CAMK1D: variants seen among roughly 807,000 people sequenced by gnomAD.
CAMK1D encodes the protein calcium/calmodulin-dependent protein kinase type 1D.
CAMK1D carries 9 observed loss-of-function variants against 47.7 expected under a neutral mutation model. The observed-to-expected ratio is 0.19, with a 90% CI of 0.11 to 0.33. The LOEUF (loss-of-function observed/expected upper bound fraction) is 0.33, where lower values mean the gene tolerates loss of function less well. Among genes scored for constraint, CAMK1D ranks in the 10% least tolerant of loss-of-function variants. CAMK1D has a pLI of 1.00. For missense variants in CAMK1D, 291 were observed against 488.7 expected (o/e 0.60, Z 3.81); for synonymous variants, 184 against 184.9 (o/e 0.99, Z 0.04).
At chr10:12,535,122 C>T (rs903779050) in intron 1 of CAMK1D, among the ~76,000 whole-genome samples, 1 of 152,140 alleles carries the variant, frequency 6.6e-6, no homozygotes, top group Non-Finnish European at 1.5e-5. Context: ...AGGCACAGTC[C>T]CTGCTACAGC....
At chr10:12,493,002 C>T (rs1234842667) in intron 1 of CAMK1D, among the ~76,000 whole-genome samples, 1 of 152,222 alleles carries the variant, frequency 6.6e-6, no homozygotes, top group Non-Finnish European at 1.5e-5. Flanking sequence ...GCTGTCAACC[C>T]TGGAAGGTGC....
chr10:12,452,766 AG>A (rs1319132582), intron 1 of CAMK1D, among the ~76,000 whole-genome samples: 2 of 152,060 alleles, frequency 1.3e-5, no homozygotes, highest in East Asian at 3.9e-4. Context: ...TTTTATTTTT[AG>A]TATAGACGGG....
rs529474570 is a variant in CAMK1D, at chr10:12,395,442, A to G, written c.92+45532A>G. On this transcript the variant is annotated intron_variant, in intron 1 of 10. Coordinates refer to ENST00000619168, the MANE Select transcript of CAMK1D (RefSeq NM_153498.4). ...CAGCCACCAGTCACCTCATTAGCCCACAAAAGACATCACTGTGGAGGTTCC... is the reference window on the plus strand; with the variant it reads ...CAGCCACCAGTCACCTCATTAGCCCGCAAAAGACATCACTGTGGAGGTTCC... 3.9e-5 allele frequency among the ~76,000 whole-genome samples: 6 copies of G among 152,178 alleles called. No individual in the cohort carries two copies. The South Asian group carries it at 1.2e-3, about 32-fold the overall frequency.
intron 1 of CAMK1D, among the ~76,000 whole-genome samples, chr10:12,511,629 CA>C (rs1320788015): frequency 6.6e-6 from 1 of 152,068 alleles, no homozygotes; most frequent in Non-Finnish European, 1.5e-5. Flanking sequence ...AACAAACAAA[CA>C]AAAAAACCAC....
chr10:12,512,250 G>A (rs1420958529), intron 1 of CAMK1D, among the ~76,000 whole-genome samples: 1 of 152,156 alleles, frequency 6.6e-6, no homozygotes, highest in Admixed American at 6.5e-5. Context: ...TGGAATAAAC[G>A]GAGCTGTGCT....
At chr10:12,449,363 T>C (rs140515967) in intron 1 of CAMK1D, among the ~76,000 whole-genome samples, 4 of 152,020 alleles carry the variant, frequency 2.6e-5, no homozygotes, top group African/African-American at 4.8e-5. Flanking sequence ...AAAACAGCCT[T>C]GGCAGGAACC....
chr10:12,611,421 G>A (rs950907401), intron 2 of CAMK1D, among the ~76,000 whole-genome samples: 3 of 151,870 alleles, frequency 2.0e-5, no homozygotes, highest in Non-Finnish European at 4.4e-5. Flanking sequence ...TTCTGGGGAC[G>A]AATCCAGACA....
At chr10:12,630,656 T>C (rs530924928) in intron 2 of CAMK1D, among the ~76,000 whole-genome samples, 3 of 152,144 alleles carry the variant, frequency 2.0e-5, no homozygotes, top group Non-Finnish European at 4.4e-5. Flanking sequence ...TGGCCTCAAG[T>C]GATCCTCCCA....
At chr10:12,766,034 C>T (rs1353530043) in intron 4 of CAMK1D, among the ~76,000 whole-genome samples, 1 of 140,202 alleles carries the variant, frequency 7.1e-6, no homozygotes, top group African/African-American at 2.7e-5. Flanking sequence ...GGCGCAATCT[C>T]AACTCTCTGC....
At chr10:12,495,739 G>A (rs1834519163) in intron 1 of CAMK1D, among the ~76,000 whole-genome samples, 1 of 152,200 alleles carries the variant, frequency 6.6e-6, no homozygotes. Flanking sequence ...GTCTGTTGAG[G>A]ATTTAGTGGG....
chr10:12,725,092 T>G (rs1834563311), intron 3 of CAMK1D, among the ~76,000 whole-genome samples: 3 of 152,292 alleles, frequency 2.0e-5, no homozygotes, highest in Non-Finnish European at 2.9e-5. Flanking sequence ...CCGTGTGGAC[T>G]GGGGGCAGCT....
intron 1 of CAMK1D, among the ~76,000 whole-genome samples, chr10:12,473,556 A>T (rs1833812859): frequency 6.6e-6 from 1 of 152,218 alleles, no homozygotes; most frequent in South Asian, 2.1e-4. Flanking sequence ...AGGAGGTAGG[A>T]ACTGCTATTG....
chr10:12,507,180 T>A (rs1267679769), intron 1 of CAMK1D, among the ~76,000 whole-genome samples: 1 of 152,234 alleles, frequency 6.6e-6, no homozygotes, highest in Non-Finnish European at 1.5e-5. Flanking sequence ...CTTGTTTACC[T>A]GTGACTCTTT....
At chr10:12,363,241 T>TTTTATTTTTTTTTTGAGCATGACTTAG in intron 1 of CAMK1D, among the ~76,000 whole-genome samples, 1 of 151,116 alleles carries the variant, frequency 6.6e-6, no homozygotes, top group East Asian at 1.9e-4. Context: ...GCACCCGGCC[T>TTTTATTTTTTTTTTGAGCATGACTTAG]GTTTTTTTTT....
chr10:12,567,130 G>T (rs1399289699), intron 2 of CAMK1D, among the ~76,000 whole-genome samples: 1 of 152,204 alleles, frequency 6.6e-6, no homozygotes, highest in Non-Finnish European at 1.5e-5. Context: ...CTTCTCGGAA[G>T]TGCAGTGGGA....
At chr10:12,574,543 C>G (rs1239715287) in intron 2 of CAMK1D, among the ~76,000 whole-genome samples, 1 of 136,038 alleles carries the variant, frequency 7.4e-6, no homozygotes, top group Non-Finnish European at 1.5e-5. Flanking sequence ...GTCTTGAACT[C>G]CTGGCCTCAA....
At chr10:12,437,655 A>G (rs886605129) in intron 1 of CAMK1D, among the ~76,000 whole-genome samples, 19 of 152,266 alleles carry the variant, frequency 1.2e-4, no homozygotes, top group African/African-American at 3.9e-4. Context: ...TGAACCCACA[A>G]TGACACGTCA....
At chr10:12,587,822 G>GT (rs1021027307) in intron 2 of CAMK1D, among the ~76,000 whole-genome samples, 9 of 151,698 alleles carry the variant, frequency 5.9e-5, no homozygotes, top group East Asian at 1.9e-4. Context: ...CCGTAGATTT[G>GT]TTTTTTTTAG....
At chr10:12,587,682 A>G (rs1048558574) in intron 2 of CAMK1D, among the ~76,000 whole-genome samples, 7 of 152,308 alleles carry the variant, frequency 4.6e-5, no homozygotes, top group African/African-American at 1.7e-4. Context: ...GGAGTGGCTC[A>G]TGCAGGCTGC....
Sources: gnomAD v4.1 joint callset for allele counts (sites outside exome capture counted in the v4.1 genomes callset) on GRCh38, gnomAD v4.1.1 for gene constraint, MANE v1.5 for transcripts, NCBI Gene and HGNC (gene_info 2026-07-23, HGNC 2026-07-21) for gene names.